Variants in HCN1 observed in about 807,000 individuals in gnomAD.
HCN1 encodes the protein hyperpolarization activated cyclic nucleotide gated potassium channel 1, also known as potassium/sodium hyperpolarization-activated cyclic nucleotide-gated channel 1.
A neutral mutation model predicts 78.9 loss-of-function variants in HCN1; 13 were observed. That is an observed-to-expected ratio of 0.16 (90% CI 0.11 to 0.26). The LOEUF (loss-of-function observed/expected upper bound fraction) is 0.26, where lower values mean the gene tolerates loss of function less well. Ranked by LOEUF, HCN1 falls within the 10% of genes least tolerant of loss-of-function variation. The pLI, the probability that HCN1 is intolerant of heterozygous loss-of-function variation, is 1.00. For synonymous variants in HCN1, 552 were observed against 455.5 expected, an observed-to-expected ratio of 1.21 and a Z score of -2.70; for missense variants, 810 against 1,154.3, an observed-to-expected ratio of 0.70 and a Z score of 4.32.
At chr5:45,519,454 C>T (rs1554030486) in intron 2 of HCN1, among the ~76,000 whole-genome samples, 3 of 151,946 alleles carry the variant, frequency 2.0e-5, no homozygotes, top group Non-Finnish European at 4.4e-5. Flanking sequence ...AGTAGTTCTA[C>T]TTTTTACATG....
rs542373156 is a variant in HCN1, at chr5:45,379,170, A to G, written c.1230+17322T>C. Among the ~76,000 whole-genome samples, 9 of 152,220 alleles carry G rather than the reference A, an allele frequency of 5.9e-5. No homozygotes were observed. The East Asian group carries it at 1.7e-3, about 29-fold the overall frequency. ...GATGGTTCGGTCAAATGGTATTTCT[A>G]GTTCTAGATGCTTGAGGAATCGCCA... On this transcript the variant is annotated intron_variant, in intron 4 of 7. Transcript: ENST00000303230.
At chr5:45,477,175 C>G (rs1249056260) in intron 2 of HCN1, among the ~76,000 whole-genome samples, 1 of 151,914 alleles carries the variant, frequency 6.6e-6, no homozygotes, top group African/African-American at 2.4e-5. Flanking sequence ...AAACAGAAAA[C>G]TTCCATGTTT....
chr5:45,422,658 G>A (rs1740251981), intron 3 of HCN1, among the ~76,000 whole-genome samples: 1 of 152,094 alleles, frequency 6.6e-6, no homozygotes, highest in Non-Finnish European at 1.5e-5. Flanking sequence ...ATTTGGCTTA[G>A]GGCCCACTTT....
chr5:45,637,381 T>C (rs1215996130), intron 2 of HCN1, among the ~76,000 whole-genome samples: 1 of 152,056 alleles, frequency 6.6e-6, no homozygotes, highest in African/African-American at 2.4e-5. Context: ...TGAAATTCCA[T>C]TGAGGGAATA....
intron 2 of HCN1, among the ~76,000 whole-genome samples, chr5:45,480,351 C>T (rs904950224): frequency 6.6e-6 from 1 of 152,062 alleles, no homozygotes; most frequent in African/African-American, 2.4e-5. Flanking sequence ...TTATATGTTT[C>T]TCTAAGTTTT....
intron 5 of HCN1, among the ~76,000 whole-genome samples, chr5:45,336,246 GCAAC>G (rs1356341241): frequency 6.6e-6 from 1 of 151,928 alleles, no homozygotes; most frequent in Non-Finnish European, 1.5e-5. Flanking sequence ...CAGCCAGAGC[GCAAC>G]CAGAGAGTAC....
At chr5:45,332,534 G>A (rs945803495) in intron 5 of HCN1, among the ~76,000 whole-genome samples, 2 of 150,342 alleles carry the variant, frequency 1.3e-5, no homozygotes, top group African/African-American at 4.9e-5. Flanking sequence ...ATCTCCATGA[G>A]TTCAATTGTT....
chr5:45,354,531 G>T (rs1746972546), intron 4 of HCN1, among the ~76,000 whole-genome samples: 1 of 151,982 alleles, frequency 6.6e-6, no homozygotes, highest in African/African-American at 2.4e-5. Flanking sequence ...CATAATTATT[G>T]TAATTGTACT....
rs1023490339 is a variant in HCN1 at position 45,309,903 on chromosome 5, T to G, written c.1378-6064A>C. ...ATAGAATAAGTTAGGGAGGACTCCCTCCTTTTCGACTTTTTGGAAAATTTT... is the reference window on the plus strand; with the variant it reads ...ATAGAATAAGTTAGGGAGGACTCCCGCCTTTTCGACTTTTTGGAAAATTTT... On this transcript the variant is annotated intron_variant, in intron 5 of 7. Transcript: ENST00000303230. Among the ~76,000 whole-genome samples, 64 of 152,272 alleles carry G rather than the reference T, an allele frequency of 4.2e-4. No individual in the cohort carries two copies. In the South Asian group the frequency reaches 0.012, roughly 29 times the overall value.
At chr5:45,574,213 G>A (rs1244032826) in intron 2 of HCN1, among the ~76,000 whole-genome samples, 1 of 152,090 alleles carries the variant, frequency 6.6e-6, no homozygotes. Flanking sequence ...ACAAATTTAA[G>A]ATTTTTGCAA....
chr5:45,462,734 C>T (rs1324599228), intron 2 of HCN1, among the ~76,000 whole-genome samples: 2 of 151,864 alleles, frequency 1.3e-5, no homozygotes, highest in African/African-American at 4.8e-5. Flanking sequence ...TTTCAGAAAA[C>T]ACAAACATTA....
chr5:45,387,813 A>G (rs1343990719), intron 4 of HCN1, among the ~76,000 whole-genome samples: 1 of 152,120 alleles, frequency 6.6e-6, no homozygotes, highest in Non-Finnish European at 1.5e-5. Flanking sequence ...TACATATACT[A>G]TGTTTTATTC....
chr5:45,442,949 C>T lies in HCN1; in HGVS notation c.1011+18897G>A, dbSNP rs1417422394. The stretch of plus-strand genomic sequence containing the variant: ...TTCAAGAGCTAGTTTAACTTGATAG[C>T]CCCAATTTGTCATGTACCTAACTTT... On this transcript the variant is annotated intron_variant, in intron 3 of 7. Coordinates refer to ENST00000303230, the MANE Select transcript of HCN1 (RefSeq NM_021072.4). Among the ~76,000 whole-genome samples, 6 of 151,996 alleles carry T rather than the reference C, an allele frequency of 3.9e-5. No homozygotes were observed. In the East Asian group the frequency reaches 5.8e-4, roughly 15 times the overall value.
intron 1 of HCN1, among the ~76,000 whole-genome samples, chr5:45,669,711 T>C (rs1213512817): frequency 1.3e-5 from 2 of 151,708 alleles, no homozygotes; most frequent in African/African-American, 2.4e-5. Context: ...AACTTTTAGA[T>C]TGATCATGCA....
intron 2 of HCN1, among the ~76,000 whole-genome samples, chr5:45,470,127 AC>A (rs1380646377): frequency 6.6e-6 from 1 of 152,076 alleles, no homozygotes. Flanking sequence ...CATCACAGTT[AC>A]ATCATGCATT....
chr5:45,689,930 G>A (rs1580052021), intron 1 of HCN1, among the ~76,000 whole-genome samples: 1 of 152,046 alleles, frequency 6.6e-6, no homozygotes, highest in Non-Finnish European at 1.5e-5. Flanking sequence ...GAGAACCTAC[G>A]TTATTCGTGT....
intron 6 of HCN1, among the ~76,000 whole-genome samples, chr5:45,299,940 A>AG (rs924159141): frequency 1.3e-5 from 2 of 152,004 alleles, no homozygotes; most frequent in African/African-American, 4.8e-5. Context: ...TATTACATCA[A>AG]GAAAAAATAG....
intron 4 of HCN1, among the ~76,000 whole-genome samples, chr5:45,387,351 C>T (rs971454114): frequency 4.0e-5 from 6 of 151,838 alleles, no homozygotes; most frequent in Admixed American, 6.6e-5. Flanking sequence ...ATACAAATTT[C>T]CTTTTCTTAA....
intron 2 of HCN1, among the ~76,000 whole-genome samples, chr5:45,517,846 C>T (rs1742542328): frequency 6.6e-6 from 1 of 151,878 alleles, no homozygotes; most frequent in Non-Finnish European, 1.5e-5. Flanking sequence ...TGATGTTGTC[C>T]CCATACCAGC....
Sources: gnomAD v4.1 joint callset for allele counts (sites outside exome capture counted in the v4.1 genomes callset) on GRCh38, gnomAD v4.1.1 for gene constraint, MANE v1.5 for transcripts, NCBI Gene and HGNC (gene_info 2026-07-23, HGNC 2026-07-21) for gene names.